MREG: variants seen among roughly 807,000 people sequenced by gnomAD.
MREG encodes melanoregulin.
MREG carries 31 observed loss-of-function variants against 28.5 expected under a neutral mutation model. The ratio of observed to expected loss-of-function variants is 1.09; its 90% CI spans 0.82 to 1.47. The LOEUF is 1.47. Ranked by LOEUF, MREG falls within the 40% of genes most tolerant of loss-of-function variation. The probability of loss-of-function intolerance (pLI) is 0.00; values close to 1 mark genes in which losing one functional copy is unlikely to be tolerated. For missense variants in MREG, 256 were observed against 257.4 expected, an observed-to-expected ratio of 0.99 and a Z score of 0.04; for synonymous variants, 106 against 95.2, an observed-to-expected ratio of 1.11 and a Z score of -0.66.
chr2:215,998,318 A>AT (rs1559193149), intron 1 of MREG, among the ~76,000 whole-genome samples: 88 of 145,404 alleles, frequency 6.1e-4, no homozygotes, highest in African/African-American at 2.2e-3. Context: ...AAAAAAAAAA[A>AT]AAAATAATAA....
chr2:215,969,299 A>G (rs574980761), intron 2 of MREG, among the ~76,000 whole-genome samples: 1 of 152,302 alleles, frequency 6.6e-6, no homozygotes, highest in African/African-American at 2.4e-5. Context: ...GATAACATAA[A>G]AAAGCTTAAA....
At chr2:215,956,061 A>G (rs1261935614) in intron 2 of MREG, among the ~76,000 whole-genome samples, 1 of 152,208 alleles carries the variant, frequency 6.6e-6, no homozygotes, top group Non-Finnish European at 1.5e-5. Flanking sequence ...AACGTATAAC[A>G]AATAAAGCCT....
At chr2:216,007,377 G>A (rs989362601) in intron 1 of MREG, among the ~76,000 whole-genome samples, 8 of 151,708 alleles carry the variant, frequency 5.3e-5, no homozygotes, top group African/African-American at 9.7e-5. Context: ...GGAAACAAGC[G>A]TCCTTTTTGT....
chr2:216,016,719 T>C (rs1694453958), upstream of MREG, among the ~76,000 whole-genome samples: 1 of 152,204 alleles, frequency 6.6e-6, no homozygotes, highest in Admixed American at 6.5e-5. Flanking sequence ...TTTGGGGAAA[T>C]GTCAGCTCCA....
chr2:215,948,285 G>A lies in MREG; in HGVS notation c.256-1172C>T, dbSNP rs886273003. ...AGCAAAACAAACTGTGTTTTGTTAC[G>A]ACGGCATTTTAGATCTTGAATCTGA... On this transcript the variant is annotated intron_variant, in intron 2 of 4. Transcript: ENST00000263268. 6.6e-5 allele frequency among the ~76,000 whole-genome samples: 10 copies of A among 152,204 alleles called. No individual in the cohort carries two copies. The East Asian group carries it at 1.2e-3, about 18-fold the overall frequency.
At chr2:215,949,419 G>A (rs1157634522) in intron 2 of MREG, among the ~76,000 whole-genome samples, 2 of 151,678 alleles carry the variant, frequency 1.3e-5, no homozygotes, top group African/African-American at 4.8e-5. Flanking sequence ...AAATTTGCCG[G>A]GTGTGGTGGT....
intron 2 of MREG, among the ~76,000 whole-genome samples, chr2:215,963,603 C>G (rs1692859918): frequency 6.6e-6 from 1 of 151,850 alleles, no homozygotes; most frequent in South Asian, 2.1e-4. Context: ...ACTTATATGA[C>G]TTGCATTGTA....
At chr2:216,004,476 G>A (rs187349105) in intron 1 of MREG, among the ~76,000 whole-genome samples, 11 of 151,962 alleles carry the variant, frequency 7.2e-5, no homozygotes, top group East Asian at 1.9e-4. Flanking sequence ...CCCGGGAGGC[G>A]GAGGTTGCAG....
intron 1 of MREG, among the ~76,000 whole-genome samples, chr2:216,007,700 G>T (rs1207862175): frequency 6.6e-6 from 1 of 150,384 alleles, no homozygotes; most frequent in Admixed American, 6.6e-5. Flanking sequence ...GAAGTGCTGG[G>T]ATTACAGGTG....
At chr2:216,031,371 C>T (rs1694687194) in intron 1 of MREG, among the ~76,000 whole-genome samples, 2 of 148,604 alleles carry the variant, frequency 1.3e-5, no homozygotes, top group South Asian at 2.1e-4. Context: ...TGTACCACTG[C>T]ACTGCAGCCT....
intron 2 of MREG, among the ~76,000 whole-genome samples, chr2:215,964,323 A>C (rs1025250646): frequency 2.0e-5 from 3 of 152,076 alleles, no homozygotes; most frequent in African/African-American, 7.2e-5. Context: ...GTCTCTACTA[A>C]AAATACAAAA....
chr2:215,989,623 A>C (rs1693670482), intron 2 of MREG, among the ~76,000 whole-genome samples: 2 of 152,148 alleles, frequency 1.3e-5, no homozygotes, highest in African/African-American at 4.8e-5. Context: ...GTTCTAACCC[A>C]ATGCAAGGAA....
rs144353666 is a variant in MREG, at chr2:216,001,864, A to G, written c.96-5399T>C. Among the ~76,000 whole-genome samples the G allele has an allele frequency of 2.1e-3, 325 of 152,274 alleles. 3 individuals carry two copies. The highest frequency in any genetic ancestry group is 7.5e-3 in the African/African-American group (310 of 41,552). On this transcript the variant is annotated intron_variant, in intron 1 of 4. Coordinates refer to ENST00000263268, the MANE Select transcript of MREG (RefSeq NM_018000.3). ...TAGAACAGAGAGAAGCCTACAGCAA[A>G]TGGCCTAAAGAGAAGCACCTTTGGA...
intron 2 of MREG, among the ~76,000 whole-genome samples, chr2:215,956,183 C>T (rs190776914): frequency 1.2e-4 from 18 of 152,304 alleles, no homozygotes; most frequent in South Asian, 2.1e-4. Context: ...GATCAGCCTA[C>T]ACAGCAGTTC....
chr2:215,941,124 TATG>T (rs1692192163), downstream of MREG, among the ~76,000 whole-genome samples: 1 of 152,124 alleles, frequency 6.6e-6, no homozygotes, highest in South Asian at 2.1e-4. Context: ...TAAATGGAAT[TATG>T]ATAAGGCTCA....
chr2:215,949,099 A>C (rs1237285780), intron 2 of MREG, among the ~76,000 whole-genome samples: 5 of 149,988 alleles, frequency 3.3e-5, no homozygotes, highest in African/African-American at 9.8e-5. Flanking sequence ...AATAATAATA[A>C]TAATAATACA....
At chr2:215,996,533 G>T in intron 1 of MREG, 68 bp from the exon 2 acceptor site, 1 of 1,135,272 alleles carries the variant, frequency 8.8e-7, no homozygotes, top group Non-Finnish European at 1.3e-6. Flanking sequence ...TCATATGCAT[G>T]CAACATACAA....
intron 1 of MREG, among the ~76,000 whole-genome samples, chr2:216,025,104 C>A (rs1456117829): frequency 6.6e-6 from 1 of 152,124 alleles, no homozygotes; most frequent in Non-Finnish European, 1.5e-5. Context: ...CCCTGAAAAG[C>A]ATGAGAATGC....
Position 215,945,014 on chromosome 2 carries a change from CA to C in MREG, c.511-18del. On this transcript the variant is annotated intron_variant, in intron 4 of 4. Transcript: ENST00000263268. Reference sequence around the variant, plus strand: ...GAGACGGTCCTGCAAAAACAAACAACAAACCAAAAAACTGCTGGCAAGATAG... The same window carrying C: ...GAGACGGTCCTGCAAAAACAAACAACAACCAAAAAACTGCTGGCAAGATAG... 1.9e-6 allele frequency: 3 copies of C among 1,552,982 alleles called. No homozygotes were observed. The highest frequency in any genetic ancestry group is 2.6e-6 in the Non-Finnish European group (3 of 1,136,190).
Sources: gnomAD v4.1 joint callset for allele counts (sites outside exome capture counted in the v4.1 genomes callset) on GRCh38, gnomAD v4.1.1 for gene constraint, MANE v1.5 for transcripts, NCBI Gene and HGNC (gene_info 2026-07-23, HGNC 2026-07-21) for gene names.